DLG2: variants seen among roughly 807,000 people sequenced by gnomAD.
DLG2 encodes the protein discs large MAGUK scaffold protein 2, also known as disks large homolog 2.
In DLG2, 45 loss-of-function variants were observed where a neutral mutation model predicts 132.5. The observed-to-expected ratio is 0.34, with a 90% confidence interval of 0.27 to 0.44. The LOEUF is 0.44. Ranked by LOEUF, DLG2 falls within the 20% of genes least tolerant of loss-of-function variation. The pLI is 1.00. For missense variants in DLG2, 1,045 were observed against 1,196.9 expected (o/e 0.87, Z 1.87); for synonymous variants, 424 against 419.6 (o/e 1.01, Z -0.13).
intron 9 of DLG2, among the ~76,000 whole-genome samples, chr11:84,100,686 T>C (rs1262918779): frequency 1.3e-5 from 2 of 152,050 alleles, no homozygotes; most frequent in African/African-American, 4.8e-5. Flanking sequence ...TTTGATTAAT[T>C]TCCACTCTTG....
chr11:84,923,205 A>C, intron 6 of DLG2: 1 of 1,600,464 alleles, frequency 6.2e-7, no homozygotes, highest in East Asian at 2.2e-5. Flanking sequence ...ATGTGCTACT[A>C]AAGAGCATCC....
intron 6 of DLG2, among the ~76,000 whole-genome samples, chr11:84,738,559 G>A (rs2064171059): frequency 1.3e-5 from 2 of 152,000 alleles, no homozygotes; most frequent in East Asian, 1.9e-4. Flanking sequence ...TTATTTTTGA[G>A]ATATTAAAAT....
chr11:84,984,133 C>T (rs992589144), intron 6 of DLG2, among the ~76,000 whole-genome samples: 2 of 152,094 alleles, frequency 1.3e-5, no homozygotes, highest in African/African-American at 2.4e-5. Context: ...GAGACCTAGA[C>T]ATCTAAATAC....
intron 8 of DLG2, among the ~76,000 whole-genome samples, chr11:84,208,598 C>T (rs570778685): frequency 1.3e-5 from 2 of 152,164 alleles, no homozygotes; most frequent in African/African-American, 4.8e-5. Context: ...CCCACTTGGG[C>T]ATCCCAAAGT....
chr11:84,963,237 T>C (rs1002453995), intron 6 of DLG2, among the ~76,000 whole-genome samples: 1 of 152,220 alleles, frequency 6.6e-6, no homozygotes, highest in African/African-American at 2.4e-5. Flanking sequence ...TATGGTAACA[T>C]ATGCCTATTA....
intron 10 of DLG2, among the ~76,000 whole-genome samples, chr11:84,083,043 G>A (rs953390155): frequency 2.6e-5 from 4 of 152,122 alleles, no homozygotes; most frequent in African/African-American, 9.7e-5. Flanking sequence ...ACTTTTGGAG[G>A]CCAAGGCGGG....
chr11:85,532,903 C>CA (rs2075308871), intron 3 of DLG2, among the ~76,000 whole-genome samples: 1 of 151,908 alleles, frequency 6.6e-6, no homozygotes. Context: ...TTCCACGAAA[C>CA]AAAAAACAAT....
intron 27 of DLG2, chr11:83,461,629 A>G: frequency 5.6e-6 from 1 of 177,898 alleles, no homozygotes; most frequent in Non-Finnish European, 1.2e-5. Context: ...ACTGCTTTGG[A>G]CACTGACCAT....
At chr11:84,876,071 GTTA>G (rs945002879) in intron 6 of DLG2, among the ~76,000 whole-genome samples, 12 of 151,978 alleles carry the variant, frequency 7.9e-5, no homozygotes, top group Admixed American at 2.6e-4. Flanking sequence ...TATTATTACT[GTTA>G]TTATTCTCCT....
intron 6 of DLG2, among the ~76,000 whole-genome samples, chr11:84,953,088 C>T (rs531741543): frequency 1.3e-5 from 2 of 152,264 alleles, no homozygotes; most frequent in East Asian, 3.9e-4. Flanking sequence ...ATAATAATAT[C>T]ACAATTATCA....
chr11:84,574,753 G>A (rs1364006117), intron 6 of DLG2, among the ~76,000 whole-genome samples: 1 of 152,084 alleles, frequency 6.6e-6, no homozygotes, highest in African/African-American at 2.4e-5. Context: ...CTCAATTATA[G>A]AATATCCTAC....
chr11:84,616,703 T>G (rs758964247), intron 6 of DLG2, among the ~76,000 whole-genome samples: 6 of 152,098 alleles, frequency 3.9e-5, no homozygotes, highest in Non-Finnish European at 8.8e-5. Flanking sequence ...AATGAATTGA[T>G]GATAATAACA....
intron 19 of DLG2, among the ~76,000 whole-genome samples, chr11:83,579,963 C>G (rs963910639): frequency 2.0e-5 from 3 of 151,886 alleles, no homozygotes; most frequent in South Asian, 2.1e-4. Context: ...GAGCGAGACT[C>G]TATCTCAAAA....
intron 9 of DLG2, among the ~76,000 whole-genome samples, chr11:84,142,276 G>GCT (rs1416071680): frequency 7.0e-6 from 1 of 143,268 alleles, no homozygotes; most frequent in Non-Finnish European, 1.5e-5. Flanking sequence ...AGCCGAGATC[G>GCT]CTCCACTGCA....
At chr11:84,267,707 G>A (rs960029480) in intron 7 of DLG2, among the ~76,000 whole-genome samples, 1 of 152,038 alleles carries the variant, frequency 6.6e-6, no homozygotes, top group African/African-American at 2.4e-5. Context: ...TCATTTCTCT[G>A]TGTCTTTCTT....
At chr11:84,492,062 G>T (rs1031039358) in intron 7 of DLG2, among the ~76,000 whole-genome samples, 1 of 152,026 alleles carries the variant, frequency 6.6e-6, no homozygotes, top group African/African-American at 2.4e-5. Context: ...AATTATGACC[G>T]AACAGAATTT....
At chr11:85,603,713 C>G (rs935979249) in intron 2 of DLG2, among the ~76,000 whole-genome samples, 1 of 152,052 alleles carries the variant, frequency 6.6e-6, no homozygotes, top group East Asian at 1.9e-4. Context: ...ACCGGGAGTT[C>G]GAGACCAGCC....
At chr11:84,075,835 C>G (rs1038103456) in intron 10 of DLG2, among the ~76,000 whole-genome samples, 3 of 152,160 alleles carry the variant, frequency 2.0e-5, no homozygotes, top group African/African-American at 2.4e-5. Context: ...ATGAAAAACT[C>G]ATGACACATT....
intron 18 of DLG2, among the ~76,000 whole-genome samples, chr11:83,720,294 GAAAAAAAAAAAAAAAAA>G (rs10573464): frequency 1.1e-4 from 3 of 27,302 alleles, no homozygotes; most frequent in East Asian, 1.9e-3. Context: ...CTCCATCTCA[GAAAAAAAAAAAAAAAAA>G]AAAAAAAAAA....
Sources: allele counts gnomAD v4.1 joint callset (sites outside exome capture counted in the v4.1 genomes callset), GRCh38; gene constraint gnomAD v4.1.1; transcripts MANE v1.5; gene names NCBI Gene and HGNC (gene_info 2026-07-23, HGNC 2026-07-21).